Variants in TEAD1 observed in about 807,000 individuals in gnomAD.
The protein encoded by TEAD1 is transcriptional enhancer factor TEF-1.
A neutral mutation model predicts 54.9 loss-of-function variants in TEAD1; 9 were observed. The observed-to-expected ratio is 0.16, with a 90% CI of 0.10 to 0.29. The LOEUF (loss-of-function observed/expected upper bound fraction) is 0.29. Ranked by LOEUF, TEAD1 falls within the 10% of genes least tolerant of loss-of-function variation. TEAD1 has a pLI of 1.00. For missense variants in TEAD1, 387 were observed against 535.9 expected (o/e 0.72, Z 2.74); for synonymous variants, 200 against 187.8 (o/e 1.07, Z -0.53).
intron 11 of TEAD1, among the ~76,000 whole-genome samples, chr11:12,925,581 T>C (rs1032373688): frequency 6.6e-6 from 1 of 152,196 alleles, no homozygotes; most frequent in Non-Finnish European, 1.5e-5. Flanking sequence ...CAAAGTGATT[T>C]GGAAGCACCT....
At chr11:12,858,006 A>G (rs575211540) in intron 3 of TEAD1, among the ~76,000 whole-genome samples, 2 of 152,274 alleles carry the variant, frequency 1.3e-5, no homozygotes, top group Non-Finnish European at 2.9e-5. Flanking sequence ...TTGGAGAGCT[A>G]AGGCAGAAGG....
Position 12,900,162 on chromosome 11 carries a change from A to G in TEAD1, c.700-1778A>G, listed in dbSNP as rs368075191. Among the ~76,000 whole-genome samples, 60 of 152,192 alleles carry G rather than the reference A, an allele frequency of 3.9e-4. 1 individual carries two copies. In the South Asian group the frequency reaches 0.011, roughly 28 times the overall value. ...TTACACCTTCGATCTTCCAGGCTCA[A>G]GTGATCCTCCTGCTTTAGCCTCCCA... On this transcript the variant is annotated intron_variant, in intron 9 of 12. Transcript: ENST00000527636.
chr11:12,879,298 A>G (rs994633404), intron 5 of TEAD1: 26 of 394,122 alleles, frequency 6.6e-5, no homozygotes, highest in South Asian at 2.0e-4. Flanking sequence ...ACCCCAGTCC[A>G]CAGCTACATC....
At chr11:12,893,400 T>C (rs1948239621) in intron 9 of TEAD1, among the ~76,000 whole-genome samples, 1 of 152,134 alleles carries the variant, frequency 6.6e-6, no homozygotes, top group African/African-American at 2.4e-5. Flanking sequence ...GGGCACACTC[T>C]CTTGTGGCAG....
chr11:12,705,883 C>G (rs1355616351), intron 2 of TEAD1, among the ~76,000 whole-genome samples: 1 of 152,146 alleles, frequency 6.6e-6, no homozygotes, highest in Non-Finnish European at 1.5e-5. Flanking sequence ...TGATAAATTA[C>G]TGTTGGGTTC....
chr11:12,730,582 G>A (rs1944403218), intron 2 of TEAD1, among the ~76,000 whole-genome samples: 1 of 151,556 alleles, frequency 6.6e-6, no homozygotes, highest in Non-Finnish European at 1.5e-5. Context: ...AAGCAGTGCT[G>A]AAGGAATTGG....
chr11:12,840,513 C>T (rs1425447325), intron 3 of TEAD1, among the ~76,000 whole-genome samples: 1 of 152,136 alleles, frequency 6.6e-6, no homozygotes, highest in Non-Finnish European at 1.5e-5. Context: ...GCGTAATAGT[C>T]TTTCACTTAA....
intron 2 of TEAD1, among the ~76,000 whole-genome samples, chr11:12,689,931 A>G (rs951043461): frequency 2.0e-5 from 3 of 152,060 alleles, no homozygotes; most frequent in African/African-American, 7.2e-5. Context: ...CCGTGATCAC[A>G]CCAGCACTGT....
chr11:12,859,391 C>T (rs572597291), intron 3 of TEAD1, among the ~76,000 whole-genome samples: 8 of 151,136 alleles, frequency 5.3e-5, no homozygotes, highest in South Asian at 4.2e-4. Flanking sequence ...TCGCCTTGGC[C>T]GCTCAAATAG....
At chr11:12,932,592 T>C (rs1293029229) in intron 12 of TEAD1, among the ~76,000 whole-genome samples, 1 of 152,162 alleles carries the variant, frequency 6.6e-6, no homozygotes, top group Non-Finnish European at 1.5e-5. Flanking sequence ...GTGCACTGCA[T>C]AGCAGTGTGA....
At chr11:12,716,997 C>T (rs556817032) in intron 2 of TEAD1, among the ~76,000 whole-genome samples, 1 of 152,330 alleles carries the variant, frequency 6.6e-6, no homozygotes, top group Non-Finnish European at 1.5e-5. Flanking sequence ...TGGGCTTGGC[C>T]TCTCAGCTGC....
At chr11:12,861,822 A>G (rs1947509790) in intron 3 of TEAD1, among the ~76,000 whole-genome samples, 1 of 152,160 alleles carries the variant, frequency 6.6e-6, no homozygotes, top group South Asian at 2.1e-4. Flanking sequence ...CCCTGTCTCT[A>G]CTAAAAATAC....
chr11:12,868,698 G>A (rs980934636), intron 5 of TEAD1, among the ~76,000 whole-genome samples: 2 of 152,186 alleles, frequency 1.3e-5, no homozygotes, highest in Non-Finnish European at 1.5e-5. Context: ...AGATTTCTAC[G>A]TAGATTTGAA....
intron 3 of TEAD1, among the ~76,000 whole-genome samples, chr11:12,769,520 A>G (rs533547761): frequency 6.6e-6 from 1 of 152,036 alleles, no homozygotes; most frequent in Non-Finnish European, 1.5e-5. Context: ...AAATTGCAGA[A>G]TCATCCTTTT....
intron 10 of TEAD1, among the ~76,000 whole-genome samples, chr11:12,909,528 G>A (rs1948581227): frequency 6.6e-6 from 1 of 151,614 alleles, no homozygotes; most frequent in East Asian, 1.9e-4. Context: ...CTGTTGCGGG[G>A]TGGGGGGCGA....
chr11:12,898,417 C>T (rs562009989), intron 9 of TEAD1, among the ~76,000 whole-genome samples: 7 of 146,586 alleles, frequency 4.8e-5, no homozygotes, highest in Admixed American at 2.7e-4. Context: ...TTTTTTGAGA[C>T]GGAGTATCTC....
intron 3 of TEAD1, among the ~76,000 whole-genome samples, chr11:12,797,800 T>A (rs1325202310): frequency 6.6e-6 from 1 of 152,154 alleles, no homozygotes; most frequent in Non-Finnish European, 1.5e-5. Context: ...GCTTGCTTTT[T>A]TATGTCAGTG....
chr11:12,806,436 G>A (rs114034553), intron 3 of TEAD1, among the ~76,000 whole-genome samples: 1,560 of 152,330 alleles, frequency 0.01, 32 homozygotes, highest in African/African-American at 0.036. Flanking sequence ...TGGCTTGAGA[G>A]TTCCAAAGTC....
intron 2 of TEAD1, among the ~76,000 whole-genome samples, chr11:12,683,287 A>G (rs1264401789): frequency 1.3e-5 from 2 of 152,222 alleles, no homozygotes; most frequent in Admixed American, 1.3e-4. Flanking sequence ...ATCGGCAGTC[A>G]TGTCTTAGGG....
Sources: gnomAD v4.1 joint callset for allele counts (sites outside exome capture counted in the v4.1 genomes callset) on GRCh38, gnomAD v4.1.1 for gene constraint, MANE v1.5 for transcripts, NCBI Gene and HGNC (gene_info 2026-07-23, HGNC 2026-07-21) for gene names.